The following SORBS2 variants were observed in gnomAD, a reference collection of about 807,000 sequenced individuals.
SORBS2 encodes the protein sorbin and SH3 domain containing 2.
SORBS2 carries 46 observed loss-of-function variants against 97.7 expected under a neutral mutation model. That is an observed-to-expected ratio of 0.47 (90% CI 0.37 to 0.60). SORBS2 has a LOEUF of 0.60. Among genes scored for constraint, SORBS2 ranks in the 20% least tolerant of loss-of-function variants. SORBS2 has a pLI of 0.00. For synonymous variants in SORBS2, 476 were observed against 473.4 expected (o/e 1.01, Z -0.07); for missense variants, 1,316 against 1,282.3 (o/e 1.03, Z -0.40).
At chr4:185,614,696 TG>T (rs1274594909) in intron 11 of SORBS2, 134 bp downstream of exon 23, 3 of 1,146,554 alleles carry the variant, frequency 2.6e-6, no homozygotes, top group Non-Finnish European at 3.6e-6. Flanking sequence ...AAGAGTCCTT[TG>T]TAGAAAATAG....
At chr4:185,697,354 C>T (rs796134383) in intron 2 of SORBS2, among the ~76,000 whole-genome samples, 3 of 152,098 alleles carry the variant, frequency 2.0e-5, no homozygotes, top group Middle Eastern at 3.2e-3. Flanking sequence ...TGGATTTTCC[C>T]GTCTCCCAAT....
At chr4:185,945,036 T>A (rs2099273899) in intron 1 of SORBS2, among the ~76,000 whole-genome samples, 1 of 152,236 alleles carries the variant, frequency 6.6e-6, no homozygotes, top group African/African-American at 2.4e-5. Context: ...CTTTTGGAGC[T>A]TATGAATCAC....
chr4:185,877,305 A>T (rs1018581679), intron 1 of SORBS2, among the ~76,000 whole-genome samples: 20 of 151,620 alleles, frequency 1.3e-4, no homozygotes, highest in African/African-American at 4.3e-4. Flanking sequence ...TGTTTTTTTT[A>T]AAAGAGCCAA....
intron 2 of SORBS2, among the ~76,000 whole-genome samples, chr4:185,688,992 A>C (rs1271317634): frequency 6.6e-6 from 1 of 152,180 alleles, no homozygotes; most frequent in Non-Finnish European, 1.5e-5. Flanking sequence ...GATGCTTTAG[A>C]AGGTTACATT....
At chr4:185,868,479 C>T (rs917538309) in intron 1 of SORBS2, among the ~76,000 whole-genome samples, 1 of 151,982 alleles carries the variant, frequency 6.6e-6, no homozygotes, top group African/African-American at 2.4e-5. Context: ...TTCTAAAAGA[C>T]ACCCCAGCTC....
At chr4:185,602,006 G>C (rs781252930) in intron 12 of SORBS2, among the ~76,000 whole-genome samples, 1 of 152,212 alleles carries the variant, frequency 6.6e-6, no homozygotes, top group African/African-American at 2.4e-5. Context: ...TTATAGAGGA[G>C]CTGAGATTTA....
At chr4:185,749,388 A>T (rs1041006927) in intron 2 of SORBS2, among the ~76,000 whole-genome samples, 1 of 152,212 alleles carries the variant, frequency 6.6e-6, no homozygotes, top group Non-Finnish European at 1.5e-5. Context: ...TGCCTTCTTG[A>T]TATCCCATTG....
intron 1 of SORBS2, among the ~76,000 whole-genome samples, chr4:185,811,443 C>T (rs1293385416): frequency 6.6e-6 from 1 of 152,236 alleles, no homozygotes; most frequent in Admixed American, 6.5e-5. Context: ...CAAAGCATAT[C>T]GGTCATGTTT....
At chr4:185,717,856 T>C (rs948564318) in intron 2 of SORBS2, among the ~76,000 whole-genome samples, 2 of 152,256 alleles carry the variant, frequency 1.3e-5, no homozygotes, top group African/African-American at 4.8e-5. Flanking sequence ...GGTGAGTTAC[T>C]TTCTCTCTCT....
chr4:185,805,818 T>G (rs2099150927), intron 1 of SORBS2, among the ~76,000 whole-genome samples: 1 of 152,218 alleles, frequency 6.6e-6, no homozygotes, highest in Admixed American at 6.5e-5. Flanking sequence ...AATGCACGCG[T>G]TTTGGAAAGT....
chr4:185,597,925 C>T (rs567704494), intron 12 of SORBS2, among the ~76,000 whole-genome samples: 106 of 152,328 alleles, frequency 7.0e-4, no homozygotes, highest in African/African-American at 2.4e-3. Context: ...CATCTGTTTT[C>T]CTAACCATGT....
At chr4:185,794,618 A>G (rs1176282545) in intron 1 of SORBS2, among the ~76,000 whole-genome samples, 2 of 152,068 alleles carry the variant, frequency 1.3e-5, no homozygotes, top group Admixed American at 6.5e-5. Flanking sequence ...AGGAAGCCCA[A>G]TCTAAAGCAT....
chr4:185,947,642 G>C (rs979069505), intron 1 of SORBS2, among the ~76,000 whole-genome samples: 1 of 151,566 alleles, frequency 6.6e-6, no homozygotes, highest in African/African-American at 2.4e-5. Context: ...ATGGAGTTTC[G>C]CTCTTGTTGC....
chr4:185,704,238 C>T (rs1019562581), intron 2 of SORBS2, among the ~76,000 whole-genome samples: 4 of 152,186 alleles, frequency 2.6e-5, no homozygotes, highest in African/African-American at 9.7e-5. Flanking sequence ...AGGATATTCG[C>T]TTCTCCCCAA....
intron 4 of SORBS2, among the ~76,000 whole-genome samples, chr4:185,674,001 CACTCAGGCTCA>C (rs1369759360): frequency 6.6e-6 from 1 of 152,182 alleles, no homozygotes; most frequent in African/African-American, 2.4e-5. Flanking sequence ...TGTTGAGATT[CACTCAGGCTCA>C]ACTCTTGGTC....
intron 2 of SORBS2, among the ~76,000 whole-genome samples, chr4:185,708,767 G>A (rs564195203): frequency 1.6e-4 from 25 of 152,274 alleles, no homozygotes; most frequent in Middle Eastern, 6.8e-3. Context: ...AAATCATTAA[G>A]GCAAGGGGGA....
At chr4:185,664,763 G>C (rs919592892) in intron 4 of SORBS2, among the ~76,000 whole-genome samples, 1 of 152,028 alleles carries the variant, frequency 6.6e-6, no homozygotes, top group Non-Finnish European at 1.5e-5. Flanking sequence ...ATTTCTCTGC[G>C]CATAAAATTT....
At chr4:185,746,353 G>C (rs2098760475) in intron 2 of SORBS2, among the ~76,000 whole-genome samples, 1 of 152,150 alleles carries the variant, frequency 6.6e-6, no homozygotes, top group Non-Finnish European at 1.5e-5. Flanking sequence ...GTCTCACTCT[G>C]TCGCCCAGGC....
intron 5 of SORBS2, 40 bp downstream of exon 17, chr4:185,630,509 T>C: frequency 7.8e-7 from 1 of 1,288,568 alleles, no homozygotes; most frequent in Non-Finnish European, 1.1e-6. Context: ...AAGAAACCAC[T>C]GGTATAGAAT....
Sources: gnomAD v4.1 joint callset for allele counts (sites outside exome capture counted in the v4.1 genomes callset) on GRCh38, gnomAD v4.1.1 for gene constraint, MANE v1.5 for transcripts, NCBI Gene and HGNC (gene_info 2026-07-23, HGNC 2026-07-21) for gene names.